COL24A1: variants seen among roughly 807,000 people sequenced by gnomAD.
The protein encoded by COL24A1 is collagen type XXIV alpha 1 chain.
COL24A1 carries 224 observed loss-of-function variants against 253.9 expected under a neutral mutation model. That is an observed-to-expected ratio of 0.88 (90% confidence interval 0.79 to 0.99). COL24A1 has a LOEUF of 0.99. Ranked by LOEUF, COL24A1 falls within the 50% of genes least tolerant of loss-of-function variation. COL24A1 has a pLI of 0.00. For synonymous variants in COL24A1, 685 were observed against 673.7 expected (o/e 1.02, Z -0.26); for missense variants, 2,131 against 2,068.5 (o/e 1.03, Z -0.59).
At chr1:85,747,146 C>T (rs1295166572) in intron 55 of COL24A1, among the ~76,000 whole-genome samples, 3 of 128,060 alleles carry the variant, frequency 2.3e-5, no homozygotes, top group African/African-American at 5.9e-5. Flanking sequence ...GAGTCTCGCT[C>T]TGTCACCCAG....
At chr1:85,971,293 T>C in intron 21 of COL24A1, 47 bp downstream of exon 21, 1 of 1,545,608 alleles carries the variant, frequency 6.5e-7, no homozygotes, top group Non-Finnish European at 8.9e-7. Context: ...GGGAAAATTT[T>C]AACTAAAAAC....
chr1:85,730,551 G>T lies in COL24A1; in HGVS notation c.5140C>A (p.Leu1714Met). ...TCGGAACTAATTCAGAGACTTTACA[G>T]AAAGCATACAGAACTGCTGTCAATG... is the stretch of plus-strand genomic sequence containing the variant. ...YYIDSSSVCFL is the reference protein window; with the variant it reads ...YYIDSSSVCFM The change falls in exon 60 of 60, where the codon CTG becomes ATG. Residue 1714 changes from leucine to methionine, a missense_variant. By Grantham distance (15) the Leu-to-Met change is conservative. Transcript: ENST00000370571. 6.2e-7 allele frequency: 1 copy of T among 1,613,608 alleles called. No individual in the cohort carries two copies. The highest frequency in any genetic ancestry group is 1.1e-5 in the South Asian group (1 of 90,968).
intron 20 of COL24A1, among the ~76,000 whole-genome samples, chr1:85,982,565 G>A (rs1693361939): frequency 2.0e-5 from 3 of 150,488 alleles, no homozygotes; most frequent in South Asian, 2.1e-4. Flanking sequence ...CTCATCCCTC[G>A]GCTCCACTTG....
intron 20 of COL24A1, among the ~76,000 whole-genome samples, chr1:85,986,456 G>A (rs113091296): frequency 6.6e-5 from 10 of 151,798 alleles, no homozygotes; most frequent in African/African-American, 1.7e-4. Context: ...CAAGATGCCC[G>A]TCTGATGAAG....
At chr1:85,906,641 A>C (rs1684864910) in intron 28 of COL24A1, among the ~76,000 whole-genome samples, 1 of 151,930 alleles carries the variant, frequency 6.6e-6, no homozygotes. Flanking sequence ...ACAGGCATGC[A>C]ATAAATAGTG....
At chr1:85,947,600 G>T (rs1166151563) in intron 24 of COL24A1, among the ~76,000 whole-genome samples, 1 of 152,130 alleles carries the variant, frequency 6.6e-6, no homozygotes. Flanking sequence ...AAGAGCCTCT[G>T]ATAATTCTGT....
intron 39 of COL24A1, among the ~76,000 whole-genome samples, chr1:85,843,370 A>G (rs768230794): frequency 4.0e-4 from 61 of 152,244 alleles, no homozygotes; most frequent in Non-Finnish European, 8.2e-4. Flanking sequence ...TAAAACATCA[A>G]TAAGAATTCA....
intron 55 of COL24A1, 55 bp downstream of exon 55, chr1:85,761,341 A>G: frequency 6.3e-7 from 1 of 1,584,930 alleles, no homozygotes; most frequent in Non-Finnish European, 8.6e-7. Context: ...ATATTTAAAA[A>G]GTTAATATGA....
At chr1:86,133,161 T>C (rs1024359901) in intron 2 of COL24A1, among the ~76,000 whole-genome samples, 2 of 152,174 alleles carry the variant, frequency 1.3e-5, no homozygotes, top group African/African-American at 4.8e-5. Context: ...TGTTTGTCTG[T>C]TGGTGTATAA....
At chr1:85,745,764 T>G (rs1665146649) in intron 55 of COL24A1, among the ~76,000 whole-genome samples, 1 of 152,184 alleles carries the variant, frequency 6.6e-6, no homozygotes. Flanking sequence ...GATGAAAAAC[T>G]ATTTGTTTCT....
intron 47 of COL24A1, among the ~76,000 whole-genome samples, chr1:85,807,731 G>GA (rs1235181512): frequency 6.6e-6 from 1 of 152,096 alleles, no homozygotes; most frequent in African/African-American, 2.4e-5. Flanking sequence ...TTCTCTTTGA[G>GA]AAAAAACACT....
intron 5 of COL24A1, among the ~76,000 whole-genome samples, chr1:86,106,360 G>T (rs1398640071): frequency 1.3e-5 from 2 of 151,890 alleles, no homozygotes; most frequent in African/African-American, 4.8e-5. Context: ...GGGTTATTAA[G>T]GCTAGATGTT....
At chr1:85,900,105 A>G (rs1684125506) in intron 28 of COL24A1, among the ~76,000 whole-genome samples, 1 of 152,160 alleles carries the variant, frequency 6.6e-6, no homozygotes, top group Admixed American at 6.5e-5. Flanking sequence ...TCCCTCTAAA[A>G]TTAAGGAATA....
intron 37 of COL24A1, among the ~76,000 whole-genome samples, chr1:85,859,460 C>T (rs1359125523): frequency 6.6e-6 from 1 of 152,140 alleles, no homozygotes; most frequent in Non-Finnish European, 1.5e-5. Context: ...CAGTAAACTT[C>T]TGCACATATT....
chr1:85,891,299 C>T (rs912318040), intron 31 of COL24A1, among the ~76,000 whole-genome samples: 1 of 150,618 alleles, frequency 6.6e-6, no homozygotes, highest in Admixed American at 6.6e-5. Context: ...CTCCTGACCT[C>T]GTGATCCACC....
intron 24 of COL24A1, among the ~76,000 whole-genome samples, chr1:85,912,980 GGCT>G (rs1310438508): frequency 6.6e-6 from 1 of 151,904 alleles, no homozygotes; most frequent in Non-Finnish European, 1.5e-5. Flanking sequence ...TTTTTAATGT[GGCT>G]ACTAGAAAAT....
At chr1:85,769,809 C>T (rs1408443193) in intron 53 of COL24A1, among the ~76,000 whole-genome samples, 31 of 152,200 alleles carry the variant, frequency 2.0e-4, no homozygotes, top group Admixed American at 2.0e-3. Context: ...ACTGGTACCA[C>T]TACCTGCTTT....
chr1:85,829,786 G>T (rs1674930653), intron 43 of COL24A1, among the ~76,000 whole-genome samples: 1 of 151,952 alleles, frequency 6.6e-6, no homozygotes, highest in East Asian at 1.9e-4. Context: ...GCTCCTTTAA[G>T]CACTTCTCTG....
intron 5 of COL24A1, among the ~76,000 whole-genome samples, chr1:86,096,547 C>T (rs527407566): frequency 6.6e-6 from 1 of 152,192 alleles, no homozygotes. Context: ...TATGTGGATC[C>T]TACCACATTT....
Sources: allele counts gnomAD v4.1 joint callset (sites outside exome capture counted in the v4.1 genomes callset), GRCh38; gene constraint gnomAD v4.1.1; transcripts MANE v1.5; gene names NCBI Gene and HGNC (gene_info 2026-07-23, HGNC 2026-07-21).